CFAP20DC: variants seen among roughly 807,000 people sequenced by gnomAD.
CFAP20DC encodes the protein protein CFAP20DC.
In CFAP20DC, 84 loss-of-function variants were observed where a neutral mutation model predicts 101.7. That is an observed-to-expected ratio of 0.83 (90% CI 0.69 to 0.99). The LOEUF (loss-of-function observed/expected upper bound fraction) is 0.99, where lower values mean the gene tolerates loss of function less well. Ranked by LOEUF, CFAP20DC falls within the 50% of genes least tolerant of loss-of-function variation. CFAP20DC has a pLI of 0.00. For missense variants in CFAP20DC, 1,007 were observed against 970.3 expected (o/e 1.04, Z -0.50); for synonymous variants, 359 against 351.2 (o/e 1.02, Z -0.25).
rs765117804 is a variant in CFAP20DC, at chr3:58,806,467, CA to C, written c.2176-12del. The C allele has an allele frequency of 6.2e-7, 1 of 1,602,380 alleles. No individual in the cohort carries two copies. The highest frequency in any genetic ancestry group is 1.1e-5 in the South Asian group (1 of 90,872). ...ACCCTGGTTGACAGGCTGGAAAAGA[CA>C]AAACATTTGTGAATGTTTAATCAGC... On this transcript the variant is annotated splice_polypyrimidine_tract_variant and intron_variant, in intron 14 of 16. Coordinates refer to ENST00000482387, the MANE Select transcript of CFAP20DC (RefSeq NM_001394063.1).
intron 1 of CFAP20DC, among the ~76,000 whole-genome samples, chr3:59,048,685 T>C (rs1475148031): frequency 6.6e-6 from 1 of 151,858 alleles, no homozygotes; most frequent in Non-Finnish European, 1.5e-5. Flanking sequence ...GCACTCATAA[T>C]GAGGCAAGTA....
At chr3:59,032,376 G>A (rs1025538730) in intron 4 of CFAP20DC, among the ~76,000 whole-genome samples, 18 of 152,098 alleles carry the variant, frequency 1.2e-4, no homozygotes, top group Non-Finnish European at 1.9e-4. Flanking sequence ...AAAGGGGGCT[G>A]AAGCCAGGAA....
In CFAP20DC at chr3:58,789,869, T is replaced by C. The variant is rs571224272; in HGVS notation, c.2237+16526A>G. On this transcript the variant is annotated intron_variant, in intron 15 of 16. Coordinates refer to ENST00000482387, the MANE Select transcript of CFAP20DC (RefSeq NM_001394063.1). ...ACCAGGCTACCATCATCATAATTAT[T>C]CATGGTGTTACTGAGCTGCTATTCC... 2.6e-5 allele frequency among the ~76,000 whole-genome samples: 4 copies of C among 152,268 alleles called. No homozygotes were observed. The East Asian group carries it at 7.7e-4, about 29-fold the overall frequency.
At chr3:58,725,031 C>A (rs1575513662) in intron 3 of CFAP20DC, among the ~76,000 whole-genome samples, 1 of 152,168 alleles carries the variant, frequency 6.6e-6, no homozygotes, top group African/African-American at 2.4e-5. Context: ...ATATTAATGA[C>A]AATTATGGCA....
At chr3:58,978,963 T>G (rs2092402250) in intron 4 of CFAP20DC, among the ~76,000 whole-genome samples, 1 of 152,164 alleles carries the variant, frequency 6.6e-6, no homozygotes, top group African/African-American at 2.4e-5. Context: ...GCTATATTCT[T>G]CAAGCCTAAC....
chr3:58,971,844 A>C lies in CFAP20DC; in HGVS notation c.279-34082T>G, dbSNP rs1477926729. ...TCCACTTGTGGGAAAAAGGACTGTA[A>C]TATCATACACACGCACACATACACA... On this transcript the variant is annotated intron_variant, in intron 4 of 16. Coordinates refer to ENST00000482387, the MANE Select transcript of CFAP20DC (RefSeq NM_001394063.1). This position sits in a 1 kb window ranked among gnomAD's most constrained non-coding sequence, Gnocchi z 4.1. Among the ~76,000 whole-genome samples, 1 of 149,860 alleles carries C rather than the reference A, an allele frequency of 6.7e-6. No individual in the cohort carries two copies. Among genetic ancestry groups the C allele is most frequent in the Non-Finnish European group, 1.5e-5 (1 of 67,712 alleles).
At chr3:58,853,774 A>T (rs1159994466) in intron 12 of CFAP20DC, among the ~76,000 whole-genome samples, 1 of 152,230 alleles carries the variant, frequency 6.6e-6, no homozygotes, top group Non-Finnish European at 1.5e-5. Context: ...GCCTTAGACA[A>T]AATTCAACAA....
intron 4 of CFAP20DC, 102 bp from the exon 5 acceptor site, chr3:58,937,864 T>G: frequency 1.5e-6 from 1 of 685,488 alleles, no homozygotes; most frequent in Non-Finnish European, 2.5e-6. Context: ...CAGACCCTTT[T>G]CAACAGGAAG....
rs1379643738 is a variant in CFAP20DC, at chr3:58,868,975, C to CA, written c.1015+352dup. Among the ~76,000 whole-genome samples the CA allele has an allele frequency of 1.3e-5, 2 of 152,134 alleles. No homozygotes were observed. Among genetic ancestry groups the CA allele is most frequent in the African/African-American group, 4.8e-5 (2 of 41,512 alleles). ...GTGAGAGAAAAGAAAGAGTACCTTA[C>CA]AAATGGAAGAGATTAATTAAAAGAT... On this transcript the variant is annotated intron_variant, in intron 9 of 16. Transcript: ENST00000482387. This position sits in a 1 kb window ranked among gnomAD's most constrained non-coding sequence, Gnocchi z 4.6.
At chr3:59,028,812 C>T (rs775746954) in intron 4 of CFAP20DC, among the ~76,000 whole-genome samples, 1 of 152,166 alleles carries the variant, frequency 6.6e-6, no homozygotes, top group Non-Finnish European at 1.5e-5. Context: ...GTCATAAGTG[C>T]TTAATGTTAG....
intron 6 of CFAP20DC, among the ~76,000 whole-genome samples, chr3:58,909,413 T>C (rs979410827): frequency 2.6e-5 from 4 of 152,220 alleles, no homozygotes; most frequent in Non-Finnish European, 5.9e-5. Context: ...TTTTTCTTGA[T>C]GTTGATTATT....
intron 4 of CFAP20DC, among the ~76,000 whole-genome samples, chr3:58,977,707 C>T (rs116138680): frequency 6.9e-6 from 1 of 144,980 alleles, no homozygotes; most frequent in African/African-American, 2.6e-5. Flanking sequence ...AACTTTTTGT[C>T]AGATATTTAG....
At chr3:58,806,325 C>G in intron 15 of CFAP20DC, 70 bp downstream of exon 15, 1 of 1,087,056 alleles carries the variant, frequency 9.2e-7, no homozygotes, top group Non-Finnish European at 1.4e-6. Flanking sequence ...TTTCAGAAAA[C>G]CAAGAAAAAT....
At chr3:58,965,457 A>G (rs1351290207) in intron 4 of CFAP20DC, among the ~76,000 whole-genome samples, 1 of 152,110 alleles carries the variant, frequency 6.6e-6, no homozygotes, top group African/African-American at 2.4e-5. Context: ...TCTTTTTTTT[A>G]AATTGTTCAA....
At chr3:58,966,800 C>T (rs1178938757) in intron 4 of CFAP20DC, among the ~76,000 whole-genome samples, 1 of 152,046 alleles carries the variant, frequency 6.6e-6, no homozygotes, top group Non-Finnish European at 1.5e-5. Context: ...GCTGCGATTA[C>T]AGGCGTGAGC....
At chr3:59,013,271 A>G (rs2093625778) in intron 4 of CFAP20DC, among the ~76,000 whole-genome samples, 1 of 152,116 alleles carries the variant, frequency 6.6e-6, no homozygotes, top group Non-Finnish European at 1.5e-5. Flanking sequence ...GAAGAGAAAA[A>G]TGGAGGAGCG....
In CFAP20DC at chr3:58,913,621, A is replaced by C. The variant is rs944489355; in HGVS notation, c.550+87T>G. The C allele has an allele frequency of 7.5e-7, 1 of 1,326,998 alleles. No homozygotes were observed. Among genetic ancestry groups the C allele is most frequent in the African/African-American group, 1.4e-5 (1 of 69,204 alleles). The allele number at this position is 1,326,998 out of a possible 1,614,324, so 82.2% of individuals were successfully genotyped here. A position where few individuals can be genotyped will look rare whatever the true frequency, so the allele number is the denominator to read the frequency against. ...TTAGCAGACATAACATCAAACTGCT[A>C]CCACACACTCATACTATCCCAAAGG... is the stretch of plus-strand genomic sequence containing the variant. On this transcript the variant is annotated intron_variant, in intron 6 of 16. Coordinates refer to ENST00000482387, the MANE Select transcript of CFAP20DC (RefSeq NM_001394063.1). This position sits in a 1 kb window ranked among gnomAD's most constrained non-coding sequence, Gnocchi z 4.4.
intron 3 of CFAP20DC, among the ~76,000 whole-genome samples, chr3:58,718,490 G>A (rs949593724): frequency 6.6e-6 from 1 of 152,098 alleles, no homozygotes; most frequent in Admixed American, 6.6e-5. Flanking sequence ...GTCCACTCTG[G>A]GGCACCTGGT....
intron 4 of CFAP20DC, among the ~76,000 whole-genome samples, chr3:58,987,659 A>T (rs1462725748): frequency 6.6e-6 from 1 of 152,032 alleles, no homozygotes; most frequent in Non-Finnish European, 1.5e-5. Flanking sequence ...AAAAAACTGT[A>T]TATACTTTTA....
Sources: allele counts gnomAD v4.1 joint callset (sites outside exome capture counted in the v4.1 genomes callset), GRCh38; gene constraint gnomAD v4.1.1; non-coding constraint Gnocchi (gnomAD v3.1); transcripts MANE v1.5; gene names NCBI Gene and HGNC (gene_info 2026-07-23, HGNC 2026-07-21).